FAM3C: variants seen among roughly 807,000 people sequenced by gnomAD.
FAM3C encodes FAM3 metabolism regulating signaling molecule C.
A neutral mutation model predicts 32.5 loss-of-function variants in FAM3C; 15 were observed. The observed-to-expected ratio is 0.46, with a 90% CI of 0.31 to 0.71. The LOEUF (loss-of-function observed/expected upper bound fraction) is 0.71. Among genes scored for constraint, FAM3C ranks in the 30% least tolerant of loss-of-function variants. The pLI is 0.05. For missense variants in FAM3C, 175 were observed against 274.4 expected (o/e 0.64, Z 2.56); for synonymous variants, 75 against 86.1 (o/e 0.87, Z 0.72).
intron 6 of FAM3C, 145 bp downstream of exon 6, chr7:121,363,985 T>C (rs763073147): frequency 1.5e-5 from 9 of 582,260 alleles, no homozygotes; most frequent in East Asian, 5.9e-5. Context: ...TCTCCACCCA[T>C]AGATTTTTTG....
At chr7:121,391,353 G>C (rs1025805797) in intron 1 of FAM3C, among the ~76,000 whole-genome samples, 1 of 152,118 alleles carries the variant, frequency 6.6e-6, no homozygotes, top group African/African-American at 2.4e-5. Flanking sequence ...TGGATGGACA[G>C]AAAGAAATAG....
intron 4 of FAM3C, among the ~76,000 whole-genome samples, 176 bp from the exon 5 acceptor site, chr7:121,371,599 T>TA (rs1794148400): frequency 1.3e-5 from 2 of 152,146 alleles, no homozygotes; most frequent in African/African-American, 4.8e-5. Context: ...AAAAATTTTT[T>TA]TAAAAAAAAA....
chr7:121,383,467 G>C (rs1273604036), intron 1 of FAM3C, among the ~76,000 whole-genome samples: 4 of 152,098 alleles, frequency 2.6e-5, no homozygotes, highest in African/African-American at 9.7e-5. Flanking sequence ...CTTCATTTTT[G>C]ATATGACATA....
At chr7:121,363,194 G>A (rs971915028) in intron 6 of FAM3C, among the ~76,000 whole-genome samples, 2 of 152,072 alleles carry the variant, frequency 1.3e-5, no homozygotes, top group East Asian at 1.9e-4. Context: ...CTTTTAAGCC[G>A]AAGGATAAAT....
chr7:121,371,556 A>T, intron 4 of FAM3C, 133 bp from the exon 5 acceptor site: 1 of 1,004,260 alleles, frequency 1.0e-6, no homozygotes, highest in Admixed American at 2.6e-5. Flanking sequence ...AATACAAGCT[A>T]ATTTGTTCCC....
In FAM3C at chr7:121,392,586, A is replaced by C. The variant is rs886179821; in HGVS notation, c.-42+3576T>G. On this transcript the variant is annotated intron_variant, in intron 1 of 9. Coordinates refer to ENST00000359943, the MANE Select transcript of FAM3C (RefSeq NM_014888.3). ...ACCACGTATCAACTGAACCAACTTA[A>C]AAATCCATTTTTGTTGACCTTGCGT... 2.0e-5 allele frequency among the ~76,000 whole-genome samples: 3 copies of C among 152,314 alleles called. No individual in the cohort carries two copies. The South Asian group carries it at 6.2e-4, about 32-fold the overall frequency.
At chr7:121,395,208 T>TC (rs554480193) in intron 1 of FAM3C, among the ~76,000 whole-genome samples, 13 of 151,858 alleles carry the variant, frequency 8.6e-5, no homozygotes, top group African/African-American at 3.1e-4. Flanking sequence ...CATACATATA[T>TC]ACGGATACAT....
intron 1 of FAM3C, among the ~76,000 whole-genome samples, chr7:121,384,606 G>C (rs915803600): frequency 6.6e-6 from 1 of 152,170 alleles, no homozygotes; most frequent in Admixed American, 6.5e-5. Context: ...ACACCTTGCA[G>C]TGGATGCTGC....
chr7:121,369,042 C>T (rs546444660), intron 5 of FAM3C, among the ~76,000 whole-genome samples: 22 of 145,608 alleles, frequency 1.5e-4, no homozygotes, highest in Admixed American at 1.4e-3. Context: ...TGCAGTGGTG[C>T]GATCTTGGCC....
Position 121,356,849 on chromosome 7 carries a change from G to A in FAM3C, c.467+3194C>T, listed in dbSNP as rs146131483. On this transcript the variant is annotated intron_variant, in intron 8 of 9. Transcript: ENST00000359943. Reference sequence around the variant, plus strand: ...AGAACAACTTATTTTAGTGAGGGTCGGGGTGGAAAGTAGGTATCATTAGAT... The same window carrying A: ...AGAACAACTTATTTTAGTGAGGGTCAGGGTGGAAAGTAGGTATCATTAGAT... Among the ~76,000 whole-genome samples the A allele has an allele frequency of 2.2e-4, 34 of 152,240 alleles. No individual in the cohort carries two copies. The East Asian group carries it at 2.9e-3, about 13-fold the overall frequency.
chr7:121,384,797 T>C (rs900071371), intron 1 of FAM3C, among the ~76,000 whole-genome samples: 6 of 152,204 alleles, frequency 3.9e-5, no homozygotes, highest in African/African-American at 1.2e-4. Flanking sequence ...ATCTCAGCCA[T>C]AACATGCCTC....
In FAM3C at chr7:121,382,943, A is replaced by G; in HGVS notation, c.13+14T>C. 6.3e-7 allele frequency: 1 copy of G among 1,588,744 alleles called. No homozygotes were observed. The highest frequency in any genetic ancestry group is 8.6e-7 in the Non-Finnish European group (1 of 1,160,938). Reference sequence around the variant, plus strand: ...CAAAAAGTACAATTACTTCTACTAAATTAAATATCTTACCTGCTACCCTCA... The same window carrying G: ...CAAAAAGTACAATTACTTCTACTAAGTTAAATATCTTACCTGCTACCCTCA... On this transcript the variant is annotated intron_variant, in intron 2 of 9. Coordinates refer to ENST00000359943, the MANE Select transcript of FAM3C (RefSeq NM_014888.3).
At position 121,359,931 on chromosome 7, in the gene FAM3C, T is replaced by TACC. The variant is rs1355470611; in HGVS notation, c.467+109_467+111dup. 3 of 665,078 alleles carry TACC rather than the reference T, an allele frequency of 4.5e-6. No individual in the cohort carries two copies. The Admixed American group carries it at 7.9e-5, about 17-fold the overall frequency. 41.2% of individuals were successfully genotyped at this position (665,078 alleles called of 1,614,324 possible). ...AAAAACAAAAATTGTTAGTTGTGTT[T>TACC]ACCTGGTAGTTTGATTACTTTGCTC... On this transcript the variant is annotated intron_variant, in intron 8 of 9. Coordinates refer to ENST00000359943, the MANE Select transcript of FAM3C (RefSeq NM_014888.3).
chr7:121,385,924 T>G (rs1018269799), intron 1 of FAM3C, among the ~76,000 whole-genome samples: 2 of 152,136 alleles, frequency 1.3e-5, no homozygotes, highest in Admixed American at 1.3e-4. Flanking sequence ...ATCAGGGGAT[T>G]TCTCTAGGGT....
intron 4 of FAM3C, 21 bp from the exon 5 acceptor site, chr7:121,371,444 T>G (rs1373219671): frequency 6.2e-7 from 1 of 1,611,198 alleles, no homozygotes; most frequent in African/African-American, 1.3e-5. Flanking sequence ...GAAAACATGA[T>G]GTCTTTTTTT....
At chr7:121,353,662 C>T (rs2116867490) in intron 8 of FAM3C, among the ~76,000 whole-genome samples, 1 of 152,300 alleles carries the variant, frequency 6.6e-6, no homozygotes, top group East Asian at 1.9e-4. Context: ...ACAGGTTAGG[C>T]AGAGGGTGCC....
At chr7:121,373,793 C>T (rs571447215) in intron 3 of FAM3C, among the ~76,000 whole-genome samples, 4 of 151,670 alleles carry the variant, frequency 2.6e-5, no homozygotes, top group Non-Finnish European at 2.9e-5. Context: ...GAGGCTGAGG[C>T]GGGTGGATCA....
At chr7:121,360,605 G>A (rs1312228059) in intron 7 of FAM3C, among the ~76,000 whole-genome samples, 1 of 152,148 alleles carries the variant, frequency 6.6e-6, no homozygotes. Flanking sequence ...GGTCAGGGCT[G>A]GGGGATGGCT....
intron 2 of FAM3C, among the ~76,000 whole-genome samples, chr7:121,381,900 A>G (rs1368057038): frequency 1.3e-5 from 2 of 152,162 alleles, no homozygotes; most frequent in Non-Finnish European, 2.9e-5. Context: ...TGTTTAATCA[A>G]TTGCGCCTGA....
Sources: allele counts gnomAD v4.1 joint callset (sites outside exome capture counted in the v4.1 genomes callset), GRCh38; gene constraint gnomAD v4.1.1; transcripts MANE v1.5; gene names NCBI Gene and HGNC (gene_info 2026-07-23, HGNC 2026-07-21).